Variants in GRIK4 observed in about 807,000 individuals in gnomAD.
GRIK4 encodes glutamate receptor ionotropic, kainate 4.
In GRIK4, 40 loss-of-function variants were observed where a neutral mutation model predicts 104.9. That is an observed-to-expected ratio of 0.38 (90% CI 0.30 to 0.50). The LOEUF (loss-of-function observed/expected upper bound fraction) is 0.50. GRIK4 is among the 20% of genes least tolerant of loss of function. The pLI, the probability that GRIK4 is intolerant of heterozygous loss-of-function variation, is 0.93. For synonymous variants in GRIK4, 485 were observed against 524.9 expected, an observed-to-expected ratio of 0.92 and a Z score of 1.04; for missense variants, 1,047 against 1,308.1, an observed-to-expected ratio of 0.80 and a Z score of 3.08.
chr11:120,761,802 G>A (rs768519720), intron 3 of GRIK4, among the ~76,000 whole-genome samples: 8 of 150,818 alleles, frequency 5.3e-5, no homozygotes, highest in Non-Finnish European at 8.8e-5. Context: ...TGTTCCATTC[G>A]TCTATATATC....
At chr11:120,519,872 T>G (rs1419221470) in intron 1 of GRIK4, among the ~76,000 whole-genome samples, 1 of 104,858 alleles carries the variant, frequency 9.5e-6, no homozygotes, top group Non-Finnish European at 1.9e-5. Context: ...CTGGTTTTTT[T>G]TTTTTTTGTT....
At position 120,787,852 on chromosome 11, in the gene GRIK4, C is replaced by CTTTTTTTTTTTTTTTTTTTTTTT. The variant is rs58523604; in HGVS notation, c.83-14834_83-14812dup. 2.6e-4 allele frequency among the ~76,000 whole-genome samples: 20 copies of CTTTTTTTTTTTTTTTTTTTTTTT among 77,120 alleles called. 2 individuals are homozygous for CTTTTTTTTTTTTTTTTTTTTTTT. Among genetic ancestry groups the CTTTTTTTTTTTTTTTTTTTTTTT allele is most frequent in the African/African-American group, 8.0e-4 (13 of 16,186 alleles). The allele number at this position is 77,120 out of a possible 152,430, so 50.6% of individuals were successfully genotyped here. A position where few individuals can be genotyped will look rare whatever the true frequency, so the allele number is the denominator to read the frequency against. On this transcript the variant is annotated intron_variant, in intron 3 of 20. Transcript: ENST00000527524. ...TTTCTTCTCTTTTTTCTTTTCTTTT[C>CTTTTTTTTTTTTTTTTTTTTTTT]TTTTTTTTTTTTTTTTTTTTTTTTT...
In GRIK4 at chr11:120,956,756, G is replaced by A; in HGVS notation, c.1701-24G>A. On this transcript the variant is annotated intron_variant, in intron 15 of 20. Transcript: ENST00000527524. The surrounding 1 kb of genome is among the most constrained non-coding windows in gnomAD (Gnocchi z 4.6). ...TTCACACCCCGCCTCTGTGGCACTA[G>A]TGTATGTTCCTTTTCTCCCACAGGT... The A allele has an allele frequency of 3.3e-6, 5 of 1,516,158 alleles. No individual in the cohort carries two copies. The highest frequency in any genetic ancestry group is 4.5e-6 in the Non-Finnish European group (5 of 1,120,524). 93.9% of individuals were successfully genotyped at this position (1,516,158 alleles called of 1,614,324 possible). A position where few individuals can be genotyped will look rare whatever the true frequency, so the allele number is the denominator to read the frequency against.
At chr11:120,565,574 C>T (rs925813540) in intron 1 of GRIK4, among the ~76,000 whole-genome samples, 19 of 152,116 alleles carry the variant, frequency 1.2e-4, no homozygotes, top group African/African-American at 3.6e-4. Context: ...GAATATAAAG[C>T]GTTTTACAGA....
chr11:120,697,531 C>T (rs541836610), intron 3 of GRIK4, among the ~76,000 whole-genome samples: 2 of 152,276 alleles, frequency 1.3e-5, no homozygotes, highest in South Asian at 4.1e-4. Flanking sequence ...AGGAGAATTG[C>T]TTGAGCCCGA....
At chr11:120,782,947 T>C (rs1952187911) in intron 3 of GRIK4, among the ~76,000 whole-genome samples, 1 of 152,180 alleles carries the variant, frequency 6.6e-6, no homozygotes, top group African/African-American at 2.4e-5. Context: ...GAAGAGTGCA[T>C]GAGGCCTCTT....
intron 8 of GRIK4, among the ~76,000 whole-genome samples, chr11:120,845,605 A>G (rs534437116): frequency 4.8e-4 from 73 of 151,970 alleles, no homozygotes; most frequent in African/African-American, 1.7e-3. Context: ...GGAAAATGCA[A>G]CAGGCACACA....
intron 1 of GRIK4, among the ~76,000 whole-genome samples, chr11:120,550,445 C>T (rs1250347004): frequency 6.6e-6 from 1 of 151,962 alleles, no homozygotes. Flanking sequence ...TATCATCAGT[C>T]TCTCGGCAGG....
At chr11:120,982,310 G>T in intron 20 of GRIK4, 86 bp downstream of exon 20, 2 of 773,014 alleles carry the variant, frequency 2.6e-6, no homozygotes, top group East Asian at 2.5e-5. Context: ...TATTTCAGAC[G>T]CTTACCACAG....
chr11:120,668,657 G>A (rs1949964227), intron 3 of GRIK4, among the ~76,000 whole-genome samples: 1 of 152,166 alleles, frequency 6.6e-6, no homozygotes, highest in Non-Finnish European at 1.5e-5. Context: ...TATGATTGAG[G>A]AATGGAGTCA....
intron 1 of GRIK4, among the ~76,000 whole-genome samples, chr11:120,577,737 G>T (rs1948503988): frequency 6.6e-6 from 1 of 152,168 alleles, no homozygotes; most frequent in African/African-American, 2.4e-5. Flanking sequence ...TTATACCACT[G>T]GGCAGCTGCT....
Position 120,874,003 on chromosome 11 carries a change from C to T in GRIK4, c.907-63C>T, listed in dbSNP as rs1954688988. 4.2e-6 allele frequency: 6 copies of T among 1,416,858 alleles called. No homozygotes were observed. The Admixed American group carries it at 6.1e-5, about 14-fold the overall frequency. The allele number at this position is 1,416,858 out of a possible 1,614,324, so 87.8% of individuals were successfully genotyped here. On this transcript the variant is annotated intron_variant, in intron 9 of 20. Coordinates refer to ENST00000527524, the MANE Select transcript of GRIK4 (RefSeq NM_014619.5). Reference sequence around the variant, plus strand: ...CTCCATTCCTCTTATTTTCTCCCTCCCCTCCCTTTCTTCCTCTACACCTCT... The same window carrying T: ...CTCCATTCCTCTTATTTTCTCCCTCTCCTCCCTTTCTTCCTCTACACCTCT...
At chr11:120,624,529 C>T (rs1223070698) in intron 1 of GRIK4, among the ~76,000 whole-genome samples, 1 of 152,158 alleles carries the variant, frequency 6.6e-6, no homozygotes, top group Non-Finnish European at 1.5e-5. Context: ...GCTTGCCCCT[C>T]CTTGCTGGCC....
chr11:120,891,647 A>G (rs571960887), intron 11 of GRIK4, among the ~76,000 whole-genome samples: 1 of 152,182 alleles, frequency 6.6e-6, no homozygotes, highest in Non-Finnish European at 1.5e-5. Context: ...GGCTCTAGGG[A>G]TAAAAGGGCA....
chr11:120,706,975 G>A (rs1238268402), intron 3 of GRIK4, among the ~76,000 whole-genome samples: 1 of 152,194 alleles, frequency 6.6e-6, no homozygotes, highest in Non-Finnish European at 1.5e-5. Flanking sequence ...CATGAAAAGA[G>A]CGAATAGCTA....
chr11:120,668,522 T>C (rs1381000982), intron 3 of GRIK4, among the ~76,000 whole-genome samples: 1 of 152,142 alleles, frequency 6.6e-6, no homozygotes, highest in Non-Finnish European at 1.5e-5. Context: ...GTGTTTCAGG[T>C]GGGGAATCAA....
intron 4 of GRIK4, among the ~76,000 whole-genome samples, chr11:120,813,212 C>T (rs1313777110): frequency 1.3e-5 from 2 of 152,028 alleles, no homozygotes; most frequent in Admixed American, 6.6e-5. Context: ...ACCCTGGATG[C>T]GGGTCAGGAG....
rs1489237504 is a variant in GRIK4, at chr11:120,987,994, C to G, written c.*1734C>G. The G allele has an allele frequency of 6.5e-6, 1 of 152,724 alleles. No individual in the cohort carries two copies. Among genetic ancestry groups the G allele is most frequent in the Admixed American group, 6.5e-5 (1 of 15,280 alleles). 9.5% of individuals were successfully genotyped at this position (152,724 alleles called of 1,614,324 possible). A position where few individuals can be genotyped will look rare whatever the true frequency, so the allele number is the denominator to read the frequency against. Reference sequence around the variant, plus strand: ...CACTTTTGTTGCTGTTGCAAATGTACTAAAATAAAGACATCTTTGGAAGAT... The same window carrying G: ...CACTTTTGTTGCTGTTGCAAATGTAGTAAAATAAAGACATCTTTGGAAGAT... On this transcript the variant is annotated 3_prime_UTR_variant, in exon 21 of 21. Coordinates refer to ENST00000527524, the MANE Select transcript of GRIK4 (RefSeq NM_014619.5).
At chr11:120,786,510 T>C (rs2135484000) in intron 3 of GRIK4, among the ~76,000 whole-genome samples, 1 of 152,294 alleles carries the variant, frequency 6.6e-6, no homozygotes, top group South Asian at 2.1e-4. Flanking sequence ...AATAGCACCT[T>C]CACTCATTTG....
Sources: allele counts gnomAD v4.1 joint callset (sites outside exome capture counted in the v4.1 genomes callset), GRCh38; gene constraint gnomAD v4.1.1; non-coding constraint Gnocchi (gnomAD v3.1); transcripts MANE v1.5; gene names NCBI Gene and HGNC (gene_info 2026-07-23, HGNC 2026-07-21).